Variants in FHIT observed in about 807,000 individuals in gnomAD.
FHIT encodes bis(5'-adenosyl)-triphosphatase.
A neutral mutation model predicts 17.9 loss-of-function variants in FHIT; 19 were observed. The observed-to-expected ratio is 1.06, with a 90% CI of 0.74 to 1.56. The LOEUF (loss-of-function observed/expected upper bound fraction) is 1.56. FHIT is among the 40% of genes most tolerant of loss of function. FHIT has a pLI of 0.00. For missense variants in FHIT, 248 were observed against 189.2 expected, an observed-to-expected ratio of 1.31 and a Z score of -1.82; for synonymous variants, 81 against 69.7, an observed-to-expected ratio of 1.16 and a Z score of -0.81.
chr3:61,115,363 G>C (rs968899872), intron 2 of FHIT, among the ~76,000 whole-genome samples: 4 of 152,082 alleles, frequency 2.6e-5, no homozygotes, highest in African/African-American at 9.7e-5. Flanking sequence ...GCATAGAATG[G>C]ATCTGAAAGC....
intron 5 of FHIT, among the ~76,000 whole-genome samples, chr3:60,279,875 C>T (rs950818886): frequency 2.0e-5 from 3 of 151,470 alleles, no homozygotes; most frequent in Admixed American, 1.3e-4. Flanking sequence ...ACTAAAAATA[C>T]AAAAAAATTA....
intron 4 of FHIT, among the ~76,000 whole-genome samples, chr3:60,632,699 G>A (rs2039477669): frequency 1.3e-5 from 2 of 152,092 alleles, no homozygotes; most frequent in Admixed American, 6.5e-5. Flanking sequence ...ATACTTCTTA[G>A]TATCTTTATC....
chr3:60,075,313 G>A (rs919024174), intron 5 of FHIT, among the ~76,000 whole-genome samples: 2 of 152,072 alleles, frequency 1.3e-5, no homozygotes, highest in African/African-American at 4.8e-5. Context: ...AGCTGTGACA[G>A]TACAGTTCCT....
chr3:60,920,922 C>A lies in FHIT; in HGVS notation c.-110-98911G>T, dbSNP rs1190587349. Reference sequence around the variant, plus strand: ...ACAAGAAAAATAATGTTTCAAATTTCATTTTTATTATTTTATTGTTTACAA... The same window carrying A: ...ACAAGAAAAATAATGTTTCAAATTTAATTTTTATTATTTTATTGTTTACAA... On this transcript the variant is annotated intron_variant, in intron 3 of 9. Transcript: ENST00000492590. Among the ~76,000 whole-genome samples, 4 of 152,096 alleles carry A rather than the reference C, an allele frequency of 2.6e-5. No homozygotes were observed. The South Asian group carries it at 6.2e-4, about 24-fold the overall frequency.
intron 3 of FHIT, among the ~76,000 whole-genome samples, chr3:60,935,671 A>C (rs1226535066): frequency 4.6e-5 from 7 of 152,224 alleles, no homozygotes; most frequent in Admixed American, 1.3e-4. Flanking sequence ...TCTGACTCTA[A>C]GAAACTGTGA....
chr3:60,536,745 T>C, intron 5 of FHIT, 115 bp downstream of exon 5: 1 of 1,137,248 alleles, frequency 8.8e-7, no homozygotes. Context: ...GGGAGATGGA[T>C]TCTTTATTTA....
At chr3:61,240,435 G>C (rs2040346973) in intron 1 of FHIT, among the ~76,000 whole-genome samples, 1 of 152,110 alleles carries the variant, frequency 6.6e-6, no homozygotes, top group Non-Finnish European at 1.5e-5. Flanking sequence ...CACTTCCTCT[G>C]GGTGAATCTC....
At chr3:61,037,058 C>T (rs1048973243) in intron 3 of FHIT, among the ~76,000 whole-genome samples, 1 of 152,004 alleles carries the variant, frequency 6.6e-6, no homozygotes, top group Non-Finnish European at 1.5e-5. Flanking sequence ...ACTACAGGCA[C>T]CCGCCACTGC....
At chr3:61,242,304 A>T (rs2040392049) in intron 1 of FHIT, among the ~76,000 whole-genome samples, 2 of 151,652 alleles carry the variant, frequency 1.3e-5, no homozygotes, top group Admixed American at 6.6e-5. Flanking sequence ...AAAAAAAAAC[A>T]CCTCTGCCCT....
At chr3:61,163,483 G>A (rs1281839711) in intron 2 of FHIT, among the ~76,000 whole-genome samples, 2 of 152,080 alleles carry the variant, frequency 1.3e-5, no homozygotes, top group African/African-American at 2.4e-5. Context: ...ATGGCATGTC[G>A]GCATTTGACA....
intron 5 of FHIT, among the ~76,000 whole-genome samples, chr3:60,026,519 ATC>A (rs1358781834): frequency 1.3e-5 from 2 of 152,022 alleles, no homozygotes; most frequent in Non-Finnish European, 2.9e-5. Flanking sequence ...TTCTCATTTG[ATC>A]TCTGTTTTTT....
intron 5 of FHIT, among the ~76,000 whole-genome samples, chr3:60,145,329 G>GT (rs772871816): frequency 2.0e-4 from 30 of 152,120 alleles, no homozygotes; most frequent in Admixed American, 1.0e-3. Flanking sequence ...TGTAAATTAT[G>GT]TACAAGCTTC....
chr3:59,792,755 TTAGG>T (rs1456835108), intron 8 of FHIT, among the ~76,000 whole-genome samples: 1 of 152,114 alleles, frequency 6.6e-6, no homozygotes. Flanking sequence ...GGATGCTTCA[TTAGG>T]TAGGAATGAA....
intron 5 of FHIT, among the ~76,000 whole-genome samples, chr3:60,456,994 G>A (rs1310476240): frequency 2.0e-5 from 3 of 152,106 alleles, no homozygotes; most frequent in Non-Finnish European, 4.4e-5. Flanking sequence ...TCATGAAAAT[G>A]GCCATACTGC....
chr3:61,226,672 AC>A, intron 1 of FHIT, among the ~76,000 whole-genome samples: 1 of 152,258 alleles, frequency 6.6e-6, no homozygotes, highest in Non-Finnish European at 1.5e-5. Context: ...TACTCAAAAC[AC>A]AGACAGAGAG....
intron 5 of FHIT, among the ~76,000 whole-genome samples, chr3:60,409,521 A>G (rs1481958036): frequency 6.6e-6 from 1 of 152,164 alleles, no homozygotes; most frequent in Non-Finnish European, 1.5e-5. Flanking sequence ...TGTAATGAGA[A>G]ATTACATTTG....
chr3:61,132,662 C>G (rs2036799766), intron 2 of FHIT, among the ~76,000 whole-genome samples: 1 of 152,138 alleles, frequency 6.6e-6, no homozygotes, highest in African/African-American at 2.4e-5. Flanking sequence ...ATGAAGGGCA[C>G]AGTGACTTGA....
At chr3:61,203,112 G>A (rs1204919938) in intron 1 of FHIT, among the ~76,000 whole-genome samples, 5 of 150,376 alleles carry the variant, frequency 3.3e-5, no homozygotes, top group Non-Finnish European at 5.9e-5. Flanking sequence ...CCTGGGAGGC[G>A]GGGCTTGCAG....
chr3:60,328,551 C>T (rs1709814426), intron 5 of FHIT, among the ~76,000 whole-genome samples: 1 of 152,230 alleles, frequency 6.6e-6, no homozygotes, highest in African/African-American at 2.4e-5. Context: ...AAACCTGCCC[C>T]CATGATTCAA....
Sources: allele counts gnomAD v4.1 joint callset (sites outside exome capture counted in the v4.1 genomes callset), GRCh38; gene constraint gnomAD v4.1.1; transcripts MANE v1.5; gene names NCBI Gene and HGNC (gene_info 2026-07-23, HGNC 2026-07-21).